Variants in ATRX observed in about 807,000 individuals in gnomAD.
The protein encoded by ATRX is ATRX chromatin remodeler.
In ATRX, 12 loss-of-function variants were observed where a neutral mutation model predicts 172.6. The ratio of observed to expected loss-of-function variants is 0.07; its 90% CI spans 0.04 to 0.11. ATRX has a LOEUF of 0.11. Among genes scored for constraint, ATRX ranks in the 10% least tolerant of loss-of-function variants. ATRX has a pLI of 1.00. For synonymous variants in ATRX, 674 were observed against 594.7 expected, an observed-to-expected ratio of 1.13 and a Z score of -1.94; for missense variants, 1,368 against 1,767.4, an observed-to-expected ratio of 0.77 and a Z score of 4.05.
chrX:77,619,541 C>T (rs2067495941), intron 20 of ATRX, among the ~76,000 whole-genome samples: 1 of 110,268 alleles, frequency 9.1e-6, no homozygotes, highest in African/African-American at 3.3e-5. Context: ...GTAAGACTAA[C>T]CCATTTTGTA....
chrX:77,627,001 G>A (rs928090271), intron 19 of ATRX, among the ~76,000 whole-genome samples: 4 of 111,277 alleles, frequency 3.6e-5, no homozygotes, highest in Admixed American at 9.5e-5. Flanking sequence ...CAAGACGGGC[G>A]GATCACGAGG....
At chrX:77,572,762 A>T (rs182036563) in intron 28 of ATRX, among the ~76,000 whole-genome samples, 35 of 112,014 alleles carry the variant, frequency 3.1e-4, no homozygotes, top group African/African-American at 1.1e-3. Context: ...TTATTCTTTA[A>T]ACAATTATAT....
intron 22 of ATRX, among the ~76,000 whole-genome samples, chrX:77,609,874 G>A (rs1557093017): frequency 8.9e-6 from 1 of 112,093 alleles, no homozygotes; most frequent in Non-Finnish European, 1.9e-5. Context: ...GGAAAGGAGA[G>A]ATGGACATTA....
chrX:77,560,689 G>A (rs2064987478), intron 28 of ATRX, among the ~76,000 whole-genome samples: 1 of 110,841 alleles, frequency 9.0e-6, no homozygotes, highest in South Asian at 3.8e-4. Context: ...TAAATGATGG[G>A]AAAAAGTTTA....
chrX:77,522,623 CAAAG>C lies in ATRX; in HGVS notation c.6850-239_6850-236del, dbSNP rs2063268185. The stretch of plus-strand genomic sequence containing the variant: ...TAATTCCCACAGAATGGGGGCAACT[CAAAG>C]AATTCTGATGAGACTCTGAACATCA... On this transcript the variant is annotated intron_variant, in intron 31 of 34. Coordinates refer to ENST00000373344, the MANE Select transcript of ATRX (RefSeq NM_000489.6). Among the ~76,000 whole-genome samples the C allele has an allele frequency of 6.3e-5, 7 of 111,110 alleles. No homozygotes were observed. In the South Asian group the frequency reaches 2.6e-3, roughly 42 times the overall value.
intron 2 of ATRX, among the ~76,000 whole-genome samples, chrX:77,699,812 A>T (rs2072403504): frequency 8.9e-6 from 1 of 111,921 alleles, no homozygotes; most frequent in Non-Finnish European, 1.9e-5. Context: ...CATAAAGAAA[A>T]GGCCCAAATG....
At chrX:77,709,822 T>C (rs1387662838) in intron 2 of ATRX, among the ~76,000 whole-genome samples, 1 of 110,864 alleles carries the variant, frequency 9.0e-6, no homozygotes, top group African/African-American at 3.3e-5. Context: ...TTAATTAATT[T>C]AATAAAAATA....
intron 1 of ATRX, among the ~76,000 whole-genome samples, chrX:77,779,959 G>A (rs1403343991): frequency 1.8e-5 from 2 of 111,833 alleles, no homozygotes; most frequent in East Asian, 2.8e-4. Flanking sequence ...ACTTCCCAGC[G>A]CAAAAAGAAC....
At chrX:77,551,557 G>T (rs1394685222) in intron 30 of ATRX, among the ~76,000 whole-genome samples, 1 of 111,557 alleles carries the variant, frequency 9.0e-6, no homozygotes, top group African/African-American at 3.3e-5. Flanking sequence ...AATAGGCATG[G>T]GCAAGGACTT....
At chrX:77,729,359 C>A (rs782005372) in intron 1 of ATRX, among the ~76,000 whole-genome samples, 2 of 111,159 alleles carry the variant, frequency 1.8e-5, no homozygotes, top group South Asian at 3.7e-4. Flanking sequence ...AAATATACCC[C>A]AAAAATATCT....
intron 1 of ATRX, among the ~76,000 whole-genome samples, chrX:77,750,346 C>T (rs1005207721): frequency 3.7e-4 from 41 of 111,217 alleles, no homozygotes; most frequent in African/African-American, 1.2e-3. Context: ...AAATTTATTA[C>T]ACAAACGATG....
At chrX:77,695,104 G>A (rs1448148464) in intron 5 of ATRX, among the ~76,000 whole-genome samples, 6 of 108,664 alleles carry the variant, frequency 5.5e-5, no homozygotes, top group Admixed American at 2.0e-4. Flanking sequence ...TTCTTCTAGG[G>A]AGAATTGGAA....
At position 77,720,481 on chromosome X, in the gene ATRX, T is replaced by C. The variant is rs182398355; in HGVS notation, c.21-3238A>G. On this transcript the variant is annotated intron_variant, in intron 1 of 34. Transcript: ENST00000373344. Reference sequence around the variant, plus strand: ...AGAATCAAATAGATGCAATAAAAAATGATAAAGGGGATATCACCACTGATC... The same window carrying C: ...AGAATCAAATAGATGCAATAAAAAACGATAAAGGGGATATCACCACTGATC... Among the ~76,000 whole-genome samples the C allele has an allele frequency of 1.3e-4, 14 of 110,782 alleles. No individual in the cohort carries two copies. In the East Asian group the frequency reaches 2.6e-3, roughly 20 times the overall value.
intron 22 of ATRX, among the ~76,000 whole-genome samples, chrX:77,615,104 A>T (rs2067303303): frequency 9.1e-6 from 1 of 110,104 alleles, no homozygotes; most frequent in African/African-American, 3.3e-5. Context: ...GATCAAGCAA[A>T]CCTCCCGCCT....
chrX:77,684,804 G>C (rs1603227283), intron 8 of ATRX, 135 bp downstream of exon 8: 3 of 772,644 alleles, frequency 3.9e-6, no homozygotes, highest in South Asian at 2.4e-5. Flanking sequence ...TAAATCCAGG[G>C]TTTTATGGAA....
At chrX:77,552,495 G>C (rs1364561198) in intron 30 of ATRX, among the ~76,000 whole-genome samples, 5 of 105,355 alleles carry the variant, frequency 4.7e-5, no homozygotes, top group Non-Finnish European at 5.9e-5. Context: ...ATAGCATTAG[G>C]AGATATACCT....
chrX:77,593,904 A>G, intron 25 of ATRX, 55 bp from the exon 26 acceptor site: 6 of 1,116,503 alleles, frequency 5.4e-6, no homozygotes, highest in Non-Finnish European at 6.2e-6. Flanking sequence ...ATGGAAAGAG[A>G]GCAAGAGAGA....
chrX:77,614,468 G>A (rs1261556008), intron 22 of ATRX, among the ~76,000 whole-genome samples: 1 of 111,911 alleles, frequency 8.9e-6, no homozygotes, highest in African/African-American at 3.2e-5. Context: ...TTTAGCTATG[G>A]CAATTAGTGC....
At position 77,685,113 on chromosome X, in the gene ATRX, C is replaced by T. The variant is rs185136085; in HGVS notation, c.595-107G>A. On this transcript the variant is annotated intron_variant, in intron 7 of 34. Transcript: ENST00000373344. ...AATTAAAAACACTGGGGAAAATCTC[C>T]AGGACACTGGTGTGGGCAAAGATTT... The T allele has an allele frequency of 8.1e-6, 5 of 619,637 alleles. No homozygotes were observed. The East Asian group carries it at 1.7e-4, about 22-fold the overall frequency. The allele number at this position is 619,637 out of a possible 1,213,427, so 51.1% of individuals were successfully genotyped here.
Sources: allele counts gnomAD v4.1 joint callset (sites outside exome capture counted in the v4.1 genomes callset), GRCh38; gene constraint gnomAD v4.1.1; transcripts MANE v1.5; gene names NCBI Gene and HGNC (gene_info 2026-07-23, HGNC 2026-07-21).